The following GRIK1 variants were observed in gnomAD, a reference collection of about 807,000 sequenced individuals.
GRIK1 encodes glutamate receptor ionotropic, kainate 1.
Under a neutral mutation model 105.7 loss-of-function variants are expected in GRIK1, and 69 were observed. The ratio of observed to expected loss-of-function variants is 0.65; its 90% CI spans 0.54 to 0.80. The LOEUF is 0.80. Ranked by LOEUF, GRIK1 falls within the 30% of genes least tolerant of loss-of-function variation. The pLI is 0.00. For synonymous variants in GRIK1, 438 were observed against 431.3 expected, an observed-to-expected ratio of 1.02 and a Z score of -0.19; for missense variants, 1,109 against 1,167.3, an observed-to-expected ratio of 0.95 and a Z score of 0.73.
intron 1 of GRIK1, among the ~76,000 whole-genome samples, chr21:29,884,694 C>T (rs1273103419): frequency 6.6e-6 from 1 of 152,086 alleles, no homozygotes; most frequent in Non-Finnish European, 1.5e-5. Flanking sequence ...GTGCTACATG[C>T]TTTACTTAAA....
At position 29,792,456 on chromosome 21, in the gene GRIK1, C is replaced by T. The variant is rs564767269; in HGVS notation, c.119-98393G>A. ...CAGGGCACTGGTTTGCCATTCCCAT[C>T]GTTATGAGGTAATTTCCTGAAAGGC... is the stretch of plus-strand genomic sequence containing the variant. On this transcript the variant is annotated intron_variant, in intron 1 of 17. Transcript: ENST00000327783. Among the ~76,000 whole-genome samples the T allele has an allele frequency of 7.9e-5, 12 of 152,272 alleles. No individual in the cohort carries two copies. The East Asian group carries it at 1.3e-3, about 17-fold the overall frequency.
Position 29,689,855 on chromosome 21 carries a change from C to T in GRIK1, c.417G>A (p.Ser139=), listed in dbSNP as rs374909009. 128 of 1,613,692 alleles carry T rather than the reference C, an allele frequency of 7.9e-5. No individual in the cohort carries two copies. Among genetic ancestry groups the T allele is most frequent in the Admixed American group, 1.3e-4 (8 of 59,958 alleles). Residue 139 remains serine, a synonymous_variant, in exon 3 of 18, where the codon TCG becomes TCA. Coordinates refer to ENST00000327783, the MANE Select transcript of GRIK1 (RefSeq NM_001330994.2). ...PHIQTRWKHP[S]VDNKDLFYIN... is the part of the protein sequence containing the mutation. The stretch of plus-strand genomic sequence containing the variant: ...TGTAAAACAAATCTTTGTTGTCCAC[C>T]GAGGGGTGTTTCCAGCGGGTCTGTA...
At chr21:29,796,755 C>A (rs62211993) in intron 1 of GRIK1, among the ~76,000 whole-genome samples, 1,702 of 152,188 alleles carry the variant, frequency 0.011, 21 homozygotes, top group Non-Finnish European at 0.013. Flanking sequence ...TCGAGACCAG[C>A]CTGGCCAACA....
chr21:29,871,163 C>T (rs965986880), intron 1 of GRIK1, among the ~76,000 whole-genome samples: 10 of 152,170 alleles, frequency 6.6e-5, no homozygotes, highest in African/African-American at 2.2e-4. Context: ...TCTTCTGTAA[C>T]TAGACACAAG....
chr21:29,635,163 G>C (rs1182991874), intron 7 of GRIK1, among the ~76,000 whole-genome samples: 1 of 152,130 alleles, frequency 6.6e-6, no homozygotes, highest in Admixed American at 6.6e-5. Context: ...GCTATGGTTT[G>C]AGTGGCAGGC....
chr21:29,590,836 G>GC (rs761479387), intron 10 of GRIK1, among the ~76,000 whole-genome samples: 2 of 152,146 alleles, frequency 1.3e-5, no homozygotes, highest in Non-Finnish European at 2.9e-5. Context: ...AAACCAACTA[G>GC]CAGCCAGAGA....
At chr21:29,757,219 T>C (rs2065372678) in intron 1 of GRIK1, among the ~76,000 whole-genome samples, 1 of 152,168 alleles carries the variant, frequency 6.6e-6, no homozygotes, top group Non-Finnish European at 1.5e-5. Flanking sequence ...CAATATCACA[T>C]TTAAAAGGGG....
chr21:29,922,067 G>T (rs2071211687), intron 1 of GRIK1, among the ~76,000 whole-genome samples: 1 of 152,114 alleles, frequency 6.6e-6, no homozygotes, highest in Non-Finnish European at 1.5e-5. Flanking sequence ...CTACTAAGTT[G>T]GACAATGTGT....
chr21:29,639,620 T>G (rs1347337693), intron 7 of GRIK1, among the ~76,000 whole-genome samples: 1 of 152,192 alleles, frequency 6.6e-6, no homozygotes, highest in Non-Finnish European at 1.5e-5. Flanking sequence ...AGCCTGTATA[T>G]CCTGCTGAAG....
At chr21:29,756,262 C>T (rs1368498395) in intron 1 of GRIK1, among the ~76,000 whole-genome samples, 1 of 151,590 alleles carries the variant, frequency 6.6e-6, no homozygotes, top group African/African-American at 2.4e-5. Context: ...GCGCCTGCAG[C>T]CCCAGCTACT....
At chr21:29,936,031 G>T (rs2071736623) in intron 1 of GRIK1, among the ~76,000 whole-genome samples, 1 of 152,176 alleles carries the variant, frequency 6.6e-6, no homozygotes, top group South Asian at 2.1e-4. Context: ...ACACTGTGAG[G>T]TTTGCAATAG....
At chr21:29,615,306 T>TTTTC (rs574477896) in intron 7 of GRIK1, among the ~76,000 whole-genome samples, 2 of 150,228 alleles carry the variant, frequency 1.3e-5, no homozygotes, top group Admixed American at 6.6e-5. Flanking sequence ...CTATTCCTTT[T>TTTTC]TTTCTTTCTT....
In GRIK1 at chr21:29,688,036, AT is replaced by A. The variant is rs765156512; in HGVS notation, c.544+1691del. Among the ~76,000 whole-genome samples the A allele has an allele frequency of 5.3e-5, 8 of 152,318 alleles. 1 individual carries two copies. The East Asian group carries it at 1.5e-3, about 29-fold the overall frequency. The stretch of plus-strand genomic sequence containing the variant: ...CAACATGCAAGATCTAACCACACTT[AT>A]GTTTAAAACATGATATTCTTTTTCA... On this transcript the variant is annotated intron_variant, in intron 3 of 17. Coordinates refer to ENST00000327783, the MANE Select transcript of GRIK1 (RefSeq NM_001330994.2).
intron 1 of GRIK1, among the ~76,000 whole-genome samples, chr21:29,813,126 A>C (rs779570536): frequency 1.1e-4 from 16 of 152,092 alleles, no homozygotes; most frequent in Non-Finnish European, 2.1e-4. Context: ...CATGCCTGGC[A>C]CACGCATGTA....
At chr21:29,697,594 A>G (rs1404625553) in intron 1 of GRIK1, among the ~76,000 whole-genome samples, 1 of 152,138 alleles carries the variant, frequency 6.6e-6, no homozygotes, top group Non-Finnish European at 1.5e-5. Flanking sequence ...CTACTGTGGT[A>G]TGAGGTAAAT....
At chr21:29,816,578 G>A (rs1346890619) in intron 1 of GRIK1, among the ~76,000 whole-genome samples, 3 of 152,062 alleles carry the variant, frequency 2.0e-5, no homozygotes, top group Non-Finnish European at 4.4e-5. Context: ...ATAAAATGTG[G>A]TATATATACA....
chr21:29,712,758 C>T (rs1601513532), intron 1 of GRIK1, among the ~76,000 whole-genome samples: 2 of 152,176 alleles, frequency 1.3e-5, no homozygotes, highest in East Asian at 3.9e-4. Context: ...AGGAAAGAAA[C>T]TATCTTCCAA....
intron 1 of GRIK1, among the ~76,000 whole-genome samples, chr21:29,886,811 T>C (rs975284277): frequency 2.0e-5 from 3 of 152,142 alleles, no homozygotes; most frequent in African/African-American, 7.2e-5. Flanking sequence ...TAGGTGCTCA[T>C]AGACTCAGAA....
chr21:29,682,716 T>C (rs1227047988), intron 3 of GRIK1, among the ~76,000 whole-genome samples: 1 of 152,164 alleles, frequency 6.6e-6, no homozygotes, highest in African/African-American at 2.4e-5. Flanking sequence ...CTGTACATTG[T>C]TTTTGGTAAA....
Sources: gnomAD v4.1 joint callset for allele counts (sites outside exome capture counted in the v4.1 genomes callset) on GRCh38, gnomAD v4.1.1 for gene constraint, MANE v1.5 for transcripts, NCBI Gene and HGNC (gene_info 2026-07-23, HGNC 2026-07-21) for gene names.